Variants in SLC29A4 observed in about 807,000 individuals in gnomAD.
SLC29A4 encodes equilibrative nucleoside transporter 4.
A neutral mutation model predicts 43.9 loss-of-function variants in SLC29A4; 36 were observed. That is an observed-to-expected ratio of 0.82 (90% CI 0.63 to 1.08). The LOEUF (loss-of-function observed/expected upper bound fraction) is 1.08, where lower values mean the gene tolerates loss of function less well. SLC29A4 is among the 50% of genes least tolerant of loss of function. The pLI is 0.00. For missense variants in SLC29A4, 869 were observed against 755.3 expected (o/e 1.15, Z -1.77); for synonymous variants, 491 against 338.0 (o/e 1.45, Z -4.97).
At position 5,303,689 on chromosome 7, in the gene SLC29A4, A is replaced by C. The variant is rs1028634008; in HGVS notation, c.*750A>C. 6.6e-6 allele frequency: 1 copy of C among 152,376 alleles called. No homozygotes were observed. Among genetic ancestry groups the C allele is most frequent in the South Asian group, 2.1e-4 (1 of 4,838 alleles). 9.4% of individuals were successfully genotyped at this position (152,376 alleles called of 1,614,324 possible). A position where few individuals can be genotyped will look rare whatever the true frequency, so the allele number is the denominator to read the frequency against. ...CATTGCCTTCCTGGCCCGGGATAGA[A>C]GAGGGGAGGTAAGTCTGGGGGCTAC... is the stretch of plus-strand genomic sequence containing the variant. On this transcript the variant is annotated 3_prime_UTR_variant, in exon 11 of 11. Transcript: ENST00000396872.
rs1786290937 is a variant in SLC29A4 at position 5,303,144 on chromosome 7, A to G, written c.*205A>G. The G allele has an allele frequency of 1.6e-6, 1 of 634,770 alleles. No individual in the cohort carries two copies. Among genetic ancestry groups the G allele is most frequent in the Admixed American group, 3.0e-5 (1 of 33,684 alleles). The allele number at this position is 634,770 out of a possible 1,614,324, so 39.3% of individuals were successfully genotyped here. A position where few individuals can be genotyped will look rare whatever the true frequency, so the allele number is the denominator to read the frequency against. On this transcript the variant is annotated 3_prime_UTR_variant, in exon 11 of 11. Transcript: ENST00000396872. The stretch of plus-strand genomic sequence containing the variant: ...CCGAGGACCGGAACACGTTTCTGCG[A>G]CCCGGGGCTCTGGCCAGCACTGTGT...
intron 9 of SLC29A4, among the ~76,000 whole-genome samples, chr7:5,299,703 G>A (rs1433832378): frequency 6.6e-6 from 1 of 152,230 alleles, no homozygotes; most frequent in African/African-American, 2.4e-5. Flanking sequence ...CTGGGGATGA[G>A]CACAGGAGGA....
intron 6 of SLC29A4, among the ~76,000 whole-genome samples, chr7:5,295,713 G>C (rs557219489): frequency 8.2e-6 from 1 of 121,752 alleles, no homozygotes; most frequent in South Asian, 2.3e-4. Context: ...CCTTGGGGGC[G>C]TTCTGCAACC....
chr7:5,299,104 G>C lies in SLC29A4; in HGVS notation c.999G>C (p.Gln333His), dbSNP rs752832444. ...TTGATGTGCCGCGGCCAAGGGTCCA[G>C]CGCAGCTGGCCCACCTTCAGAGGTG... ...MRFDVPRPRV[Q>H]RSWPTFRALL... Residue 333 changes from glutamine (Q) to histidine (H), a missense_variant, in exon 8 of 11, where the codon CAG becomes CAC. Physicochemically the swap from Gln to His is conservative, Grantham distance 24. Coordinates refer to ENST00000396872, the MANE Select transcript of SLC29A4 (RefSeq NM_153247.4). 2 of 1,610,466 alleles carry C rather than the reference G, an allele frequency of 1.2e-6. No individual in the cohort carries two copies. Among genetic ancestry groups the C allele is most frequent in the Non-Finnish European group, 8.5e-7 (1 of 1,179,200 alleles).
intron 1 of SLC29A4, 55 bp downstream of exon 1, chr7:5,283,137 TTGTC>T (rs992741094): frequency 1.2e-4 from 18 of 149,582 alleles, no homozygotes; most frequent in Admixed American, 9.9e-4. Flanking sequence ...GTCGGAGCCT[TTGTC>T]TGCGGCGCGC....
chr7:5,291,583 A>C, intron 4 of SLC29A4, 110 bp from the exon 5 acceptor site: 1 of 1,417,934 alleles, frequency 7.1e-7, no homozygotes, highest in Non-Finnish European at 9.5e-7. Flanking sequence ...GCCCTCCTTA[A>C]AGGGGAAGGG....
At chr7:5,301,284 G>T (rs112184496) in intron 10 of SLC29A4, among the ~76,000 whole-genome samples, 8,164 of 149,286 alleles carry the variant, frequency 0.055, 309 homozygotes, top group Non-Finnish European at 0.087. Flanking sequence ...AAAAATCCCA[G>T]ATCGGCGTGA....
intron 1 of SLC29A4, among the ~76,000 whole-genome samples, chr7:5,286,801 T>C (rs1038403374): frequency 6.6e-6 from 1 of 152,200 alleles, no homozygotes; most frequent in African/African-American, 2.4e-5. Flanking sequence ...ATCTGGGTTC[T>C]CCCACTTTCT....
chr7:5,302,866 G>A lies in SLC29A4; in HGVS notation c.1520G>A (p.Ser507Asn), dbSNP rs1347847039. 1 of 1,602,078 alleles carries A rather than the reference G, an allele frequency of 6.2e-7. No individual in the cohort carries two copies. The highest frequency in any genetic ancestry group is 1.7e-5 in the Admixed American group (1 of 58,882). The stretch of plus-strand genomic sequence containing the variant: ...TCCGCCGTGGCCTACTGCACCTACA[G>A]CCTCACCCGCGACGCTCACGGCAGC... ...LGSAVAYCTY[S>N]LTRDAHGSCL... The change falls in exon 11 of 11, where the codon AGC becomes AAC. Residue 507 changes from serine to asparagine, a missense_variant. Coordinates refer to ENST00000396872, the MANE Select transcript of SLC29A4 (RefSeq NM_153247.4).
chr7:5,300,079 T>C (rs1053744462), intron 9 of SLC29A4, among the ~76,000 whole-genome samples: 1 of 151,368 alleles, frequency 6.6e-6, no homozygotes, highest in African/African-American at 2.4e-5. Flanking sequence ...AACAAAAAAA[T>C]CACTCAGCCA....
intron 10 of SLC29A4, 66 bp downstream of exon 10, chr7:5,300,728 A>C: frequency 6.4e-7 from 1 of 1,569,406 alleles, no homozygotes; most frequent in Non-Finnish European, 8.6e-7. Context: ...CTCGCGAGGA[A>C]ACCCAGGCTA....
At chr7:5,301,506 C>T (rs1245621868) in intron 10 of SLC29A4, among the ~76,000 whole-genome samples, 2 of 152,064 alleles carry the variant, frequency 1.3e-5, no homozygotes, top group Non-Finnish European at 2.9e-5. Context: ...GAAGAGGGAG[C>T]AGCATGTGCA....
Position 5,294,949 on chromosome 7 carries a change from A to AC in SLC29A4, c.619+21dup, listed in dbSNP as rs766739660. The AC allele has an allele frequency of 1.4e-5, 23 of 1,592,506 alleles. No homozygotes were observed. The African/African-American group carries it at 1.8e-4, about 12-fold the overall frequency. ...GACCGGGGAGAGTGAGTATCTGCAG[A>AC]CCCCCCGGGGAGGGGGTGCTGGGCT... On this transcript the variant is annotated intron_variant, in intron 6 of 10. Transcript: ENST00000396872.
chr7:5,295,555 C>T (rs1785594105), intron 6 of SLC29A4, among the ~76,000 whole-genome samples: 1 of 152,258 alleles, frequency 6.6e-6, no homozygotes, highest in African/African-American at 2.4e-5. Flanking sequence ...CAGCACTGGC[C>T]CCGGGTACCG....
intron 1 of SLC29A4, among the ~76,000 whole-genome samples, chr7:5,287,592 C>G (rs1308152023): frequency 6.6e-6 from 1 of 152,228 alleles, no homozygotes; most frequent in Non-Finnish European, 1.5e-5. Context: ...CCTAAGGTCA[C>G]ACAGCTGGGC....
At chr7:5,302,365 C>CG (rs1786227669) in intron 10 of SLC29A4, among the ~76,000 whole-genome samples, 1 of 152,158 alleles carries the variant, frequency 6.6e-6, no homozygotes, top group African/African-American at 2.4e-5. Context: ...TATAGCAAGA[C>CG]GGAGTCTCTA....
chr7:5,285,283 C>T (rs1784878105), intron 1 of SLC29A4, among the ~76,000 whole-genome samples: 1 of 151,938 alleles, frequency 6.6e-6, no homozygotes, highest in Non-Finnish European at 1.5e-5. Flanking sequence ...CCCAACCCCC[C>T]AGCTCCAGAT....
chr7:5,301,490 A>T (rs1786160573), intron 10 of SLC29A4, among the ~76,000 whole-genome samples: 3 of 152,170 alleles, frequency 2.0e-5, no homozygotes, highest in Non-Finnish European at 1.5e-5. Flanking sequence ...AGGGAAAGGC[A>T]TCCAGGAAGA....
At chr7:5,296,751 T>TGGGCGGGGCCTGTGGTGGA (rs1785697848) in intron 6 of SLC29A4, among the ~76,000 whole-genome samples, 185 bp from the exon 7 acceptor site, 1 of 119,960 alleles carries the variant, frequency 8.3e-6, no homozygotes, top group African/African-American at 3.2e-5. Flanking sequence ...CCGGCGGTGA[T>TGGGCGGGGCCTGTGGTGGA]GGGCGGGGCC....
Sources: allele counts gnomAD v4.1 joint callset (sites outside exome capture counted in the v4.1 genomes callset), GRCh38; gene constraint gnomAD v4.1.1; transcripts MANE v1.5; gene names NCBI Gene and HGNC (gene_info 2026-07-23, HGNC 2026-07-21).